CPEB3: variants seen among roughly 807,000 people sequenced by gnomAD.
CPEB3 encodes cytoplasmic polyadenylation element-binding protein 3.
A neutral mutation model predicts 67.2 loss-of-function variants in CPEB3; 20 were observed. The ratio of observed to expected loss-of-function variants is 0.30; its 90% CI spans 0.21 to 0.43. CPEB3 has a LOEUF of 0.43. Among genes scored for constraint, CPEB3 ranks in the 20% least tolerant of loss-of-function variants. The probability of loss-of-function intolerance (pLI) is 1.00; values close to 1 mark genes in which losing one functional copy is unlikely to be tolerated. For missense variants in CPEB3, 746 were observed against 968.6 expected (o/e 0.77, Z 3.05); for synonymous variants, 376 against 393.1 (o/e 0.96, Z 0.51).
Position 92,240,060 on chromosome 10 carries a change from C to T in CPEB3, c.291G>A (p.Ala97=), listed in dbSNP as rs139257289. The change falls in exon 2 of 10, where the codon GCG becomes GCA. Residue 97 remains alanine (A), a synonymous_variant. Coordinates refer to ENST00000265997, the MANE Select transcript of CPEB3 (RefSeq NM_014912.5). ...PQQPPPPQEP[A]APGASLSPSF... ...ACGGCGACAGCGACGCGCCCGGTGC[C>T]GCGGGCTCCTGAGGCGGCGGCGGCT... 3.3e-4 allele frequency: 531 copies of T among 1,593,796 alleles called. 1 individual carries two copies. The African/African-American group carries it at 6.7e-3, about 20-fold the overall frequency.
intron 4 of CPEB3, among the ~76,000 whole-genome samples, chr10:92,163,161 A>G (rs777364636): frequency 1.8e-4 from 28 of 152,292 alleles, no homozygotes; most frequent in Admixed American, 9.2e-4. Flanking sequence ...TCCGCAAGGC[A>G]CAGTGGCTCA....
At chr10:92,253,774 A>G (rs1293109386) in intron 1 of CPEB3, among the ~76,000 whole-genome samples, 2 of 152,132 alleles carry the variant, frequency 1.3e-5, no homozygotes, top group South Asian at 2.1e-4. Flanking sequence ...AAAACACACA[A>G]TATATTTGTA....
intron 1 of CPEB3, among the ~76,000 whole-genome samples, chr10:92,252,627 T>G (rs1852346744): frequency 6.6e-6 from 1 of 152,122 alleles, no homozygotes; most frequent in Admixed American, 6.6e-5. Context: ...AACTTTTTTT[T>G]TTTAATTTTT....
At chr10:92,271,402 G>T (rs1853302300) in intron 1 of CPEB3, among the ~76,000 whole-genome samples, 1 of 152,086 alleles carries the variant, frequency 6.6e-6, no homozygotes. Flanking sequence ...TCCCACCCAA[G>T]AATCCAATTC....
chr10:92,280,367 AAGAG>A (rs1289992452), intron 1 of CPEB3, among the ~76,000 whole-genome samples: 38 of 129,390 alleles, frequency 2.9e-4, no homozygotes, highest in African/African-American at 1.0e-3. Context: ...AAAAAAAAAA[AAGAG>A]AGAGAGAGAG....
intron 4 of CPEB3, among the ~76,000 whole-genome samples, chr10:92,164,191 A>T (rs1163089027): frequency 1.3e-5 from 2 of 152,188 alleles, no homozygotes; most frequent in African/African-American, 2.4e-5. Flanking sequence ...ACACATTTCC[A>T]GATGGGCAAA....
At chr10:92,133,451 CT>C (rs1444592048) in intron 6 of CPEB3, among the ~76,000 whole-genome samples, 1 of 152,176 alleles carries the variant, frequency 6.6e-6, no homozygotes, top group Admixed American at 6.5e-5. Context: ...CACATACACC[CT>C]CCCAAGACTA....
At chr10:92,177,368 C>T (rs980968819) in intron 4 of CPEB3, among the ~76,000 whole-genome samples, 4 of 152,174 alleles carry the variant, frequency 2.6e-5, no homozygotes, top group Non-Finnish European at 5.9e-5. Flanking sequence ...GCAGGTCTTA[C>T]TGATGGATTG....
At chr10:92,056,489 A>G (rs922080476) in intron 9 of CPEB3, among the ~76,000 whole-genome samples, 1 of 152,210 alleles carries the variant, frequency 6.6e-6, no homozygotes, top group African/African-American at 2.4e-5. Context: ...TTGCTGAAAG[A>G]AGCACTGAGG....
chr10:92,247,040 T>C (rs1443333906), intron 1 of CPEB3, among the ~76,000 whole-genome samples: 2 of 152,106 alleles, frequency 1.3e-5, no homozygotes, highest in African/African-American at 2.4e-5. Flanking sequence ...TAATCTCTGC[T>C]TTTTTTCCCC....
intron 1 of CPEB3, among the ~76,000 whole-genome samples, chr10:92,249,040 G>C (rs1414999789): frequency 6.6e-6 from 1 of 152,092 alleles, no homozygotes; most frequent in East Asian, 1.9e-4. Context: ...TATTTGTTGT[G>C]ATACTGGTGT....
rs528719882 is a variant in CPEB3, at chr10:92,047,024, T to C, written c.*5188A>G. 7.2e-5 allele frequency: 11 copies of C among 152,342 alleles called. No individual in the cohort carries two copies. The highest frequency in any genetic ancestry group is 2.4e-4 in the African/African-American group (10 of 41,586). 9.4% of individuals were successfully genotyped at this position (152,342 alleles called of 1,614,324 possible). ...CAAAAAATACAAATACCTAATACTT[T>C]ATACCCCAACAGAACTATATCCAGG... On this transcript the variant is annotated 3_prime_UTR_variant, in exon 10 of 10. Coordinates refer to ENST00000265997, the MANE Select transcript of CPEB3 (RefSeq NM_014912.5).
At chr10:92,117,604 A>G (rs753727883) in intron 6 of CPEB3, among the ~76,000 whole-genome samples, 5 of 152,078 alleles carry the variant, frequency 3.3e-5, no homozygotes, top group Non-Finnish European at 5.9e-5. Context: ...TGCTGGGATT[A>G]CAGGTGTGAG....
At chr10:92,196,062 C>T (rs1015973359) in intron 2 of CPEB3, among the ~76,000 whole-genome samples, 6 of 152,302 alleles carry the variant, frequency 3.9e-5, no homozygotes, top group African/African-American at 9.6e-5. Context: ...GTTCCCAAAC[C>T]TGTCAGACTG....
At chr10:92,155,637 G>C (rs1847172175) in intron 4 of CPEB3, among the ~76,000 whole-genome samples, 1 of 152,138 alleles carries the variant, frequency 6.6e-6, no homozygotes, top group Non-Finnish European at 1.5e-5. Flanking sequence ...TTACAGAAAG[G>C]CAACATTCAG....
rs60338900 is a variant in CPEB3, at chr10:92,280,343, CAAAAAAAAAAAAAAA to C, written c.-12+10568_-12+10582del. 3.1e-3 allele frequency among the ~76,000 whole-genome samples: 116 copies of C among 37,820 alleles called. 2 individuals carry two copies. In the East Asian group the frequency reaches 0.07, roughly 23 times the overall value. 24.8% of individuals were successfully genotyped at this position (37,820 alleles called of 152,430 possible). A position where few individuals can be genotyped will look rare whatever the true frequency, so the allele number is the denominator to read the frequency against. On this transcript the variant is annotated intron_variant, in intron 1 of 9. Coordinates refer to ENST00000265997, the MANE Select transcript of CPEB3 (RefSeq NM_014912.5). The stretch of plus-strand genomic sequence containing the variant: ...GGGCAACAAGAGCAAAACTCCATCT[CAAAAAAAAAAAAAAA>C]AAAAAAAAAAGAGAGAGAGAGAGAA...
chr10:92,116,259 A>ATAAT (rs564822028), intron 6 of CPEB3, among the ~76,000 whole-genome samples: 2 of 134,982 alleles, frequency 1.5e-5, no homozygotes, highest in Non-Finnish European at 3.2e-5. Flanking sequence ...CAGTAAAAAA[A>ATAAT]AAAAAAAATA....
chr10:92,087,977 T>A lies in CPEB3; in HGVS notation c.1687+3853A>T, dbSNP rs1033776220. 1.3e-5 allele frequency among the ~76,000 whole-genome samples: 2 copies of A among 151,920 alleles called. 1 individual carries two copies. The highest frequency in any genetic ancestry group is 2.9e-5 in the Non-Finnish European group (2 of 67,976). On this transcript the variant is annotated intron_variant, in intron 8 of 9. Coordinates refer to ENST00000265997, the MANE Select transcript of CPEB3 (RefSeq NM_014912.5). ...AGGCTTTCCTAATGTGAGGGCAGGG[T>A]GAGGTGGGGAGTAGAAAGAAAACAA...
In CPEB3 at chr10:92,190,485, G is replaced by A. The variant is rs575785926; in HGVS notation, c.1165+1992C>T. Among the ~76,000 whole-genome samples the A allele has an allele frequency of 3.1e-4, 47 of 151,578 alleles. 1 individual carries two copies. The South Asian group carries it at 7.8e-3, about 25-fold the overall frequency. On this transcript the variant is annotated intron_variant, in intron 3 of 9. Transcript: ENST00000265997. ...GTTTGAGACCAGCGTGACCAACATG[G>A]AGAAATTCTGTCTCTACTAAAAATA...
Sources: allele counts gnomAD v4.1 joint callset (sites outside exome capture counted in the v4.1 genomes callset), GRCh38; gene constraint gnomAD v4.1.1; transcripts MANE v1.5; gene names NCBI Gene and HGNC (gene_info 2026-07-23, HGNC 2026-07-21).